PTPRD: variants seen among roughly 807,000 people sequenced by gnomAD.
PTPRD encodes protein tyrosine phosphatase receptor type D, also known as receptor-type tyrosine-protein phosphatase delta.
Under a neutral mutation model 214.5 loss-of-function variants are expected in PTPRD, and 34 were observed. The observed-to-expected ratio is 0.16, with a 90% confidence interval of 0.12 to 0.21. The LOEUF (loss-of-function observed/expected upper bound fraction) is 0.21, where lower values mean the gene tolerates loss of function less well. Ranked by LOEUF, PTPRD falls within the 10% of genes least tolerant of loss-of-function variation. The pLI, the probability that PTPRD is intolerant of heterozygous loss-of-function variation, is 1.00. For missense variants in PTPRD, 2,545 were observed against 2,398.7 expected (o/e 1.06, Z -1.27); for synonymous variants, 1,128 against 845.7 (o/e 1.33, Z -5.79).
chr9:9,542,049 G>A (rs1365094378), intron 8 of PTPRD, among the ~76,000 whole-genome samples: 1 of 151,552 alleles, frequency 6.6e-6, no homozygotes, highest in Admixed American at 6.6e-5. Context: ...AAACTAAAGT[G>A]AAAAATTGGT....
Position 9,026,037 on chromosome 9 carries a change from G to A in PTPRD, c.-142-7302C>T, listed in dbSNP as rs573591043. Among the ~76,000 whole-genome samples the A allele has an allele frequency of 1.6e-3, 243 of 152,024 alleles. 2 individuals are homozygous for A. The highest frequency in any genetic ancestry group is 5.6e-3 in the African/African-American group (231 of 41,492). ...ACAGTTGGATGGATGGATAATTTCA[G>A]TGAGAACTAAGTGCCATGAAAAAAA... On this transcript the variant is annotated intron_variant, in intron 10 of 45. Transcript: ENST00000381196.
intron 9 of PTPRD, among the ~76,000 whole-genome samples, chr9:9,222,071 G>A (rs566598468): frequency 6.6e-6 from 1 of 152,052 alleles, no homozygotes. Flanking sequence ...TCCACAACTA[G>A]AACTGCCAAA....
At position 9,903,983 on chromosome 9, in the gene PTPRD, C is replaced by A. The variant is rs1044317929; in HGVS notation, c.-368+34524G>T. 4.6e-5 allele frequency among the ~76,000 whole-genome samples: 7 copies of A among 152,100 alleles called. 1 individual carries two copies. The highest frequency in any genetic ancestry group is 1.7e-4 in the African/African-American group (7 of 41,426). On this transcript the variant is annotated intron_variant, in intron 5 of 45. Transcript: ENST00000381196. The stretch of plus-strand genomic sequence containing the variant: ...CATTAACCTCTATCTTGGGTCAAAG[C>A]CCCTGCTTCACTTTTGGGATCATCA...
At chr9:8,514,028 A>G (rs2138092538) in intron 21 of PTPRD, among the ~76,000 whole-genome samples, 1 of 152,268 alleles carries the variant, frequency 6.6e-6, no homozygotes, top group East Asian at 1.9e-4. Context: ...CCATTCATCT[A>G]GATTTTCTGA....
intron 11 of PTPRD, among the ~76,000 whole-genome samples, chr9:8,945,633 A>G (rs2099059498): frequency 6.6e-6 from 1 of 152,102 alleles, no homozygotes; most frequent in Non-Finnish European, 1.5e-5. Context: ...ACACCCTGGT[A>G]TTCAAGGCCT....
At chr9:9,013,444 A>C (rs988589386) in intron 11 of PTPRD, among the ~76,000 whole-genome samples, 10 of 152,154 alleles carry the variant, frequency 6.6e-5, no homozygotes, top group Non-Finnish European at 1.5e-4. Context: ...AAGGAACCTT[A>C]CTTCTATGTT....
chr9:10,268,090 C>T (rs2094186874), intron 3 of PTPRD, among the ~76,000 whole-genome samples: 1 of 149,120 alleles, frequency 6.7e-6, no homozygotes, highest in Non-Finnish European at 1.5e-5. Flanking sequence ...CCAACCTAAG[C>T]AACATAGCAA....
chr9:10,287,644 G>T (rs2095403545), intron 3 of PTPRD, among the ~76,000 whole-genome samples: 1 of 152,066 alleles, frequency 6.6e-6, no homozygotes, highest in Non-Finnish European at 1.5e-5. Flanking sequence ...TCCAGGTGGA[G>T]TCTGTTCTCT....
At chr9:10,461,518 C>T (rs889117098) in intron 2 of PTPRD, among the ~76,000 whole-genome samples, 1 of 151,930 alleles carries the variant, frequency 6.6e-6, no homozygotes, top group African/African-American at 2.4e-5. Context: ...AAAGGAGATC[C>T]TGTCACTTGT....
chr9:8,351,060 A>ACT (rs2075305957), intron 39 of PTPRD, among the ~76,000 whole-genome samples: 1 of 152,190 alleles, frequency 6.6e-6, no homozygotes, highest in African/African-American at 2.4e-5. Context: ...TAACTTAGTA[A>ACT]AACAATCATG....
intron 5 of PTPRD, among the ~76,000 whole-genome samples, chr9:9,820,825 C>G (rs969097627): frequency 6.6e-6 from 1 of 152,032 alleles, no homozygotes; most frequent in African/African-American, 2.4e-5. Flanking sequence ...GTTCTCTATT[C>G]TGTTCCATTG....
chr9:9,079,250 T>C (rs2099755596), intron 10 of PTPRD, among the ~76,000 whole-genome samples: 1 of 152,100 alleles, frequency 6.6e-6, no homozygotes, highest in Admixed American at 6.6e-5. Context: ...TTCTACTGTT[T>C]ACTTACATTA....
chr9:9,879,636 C>A (rs2068000020), intron 5 of PTPRD, among the ~76,000 whole-genome samples: 1 of 152,136 alleles, frequency 6.6e-6, no homozygotes, highest in South Asian at 2.1e-4. Context: ...CAGGAATATA[C>A]TGACTAAAAT....
intron 4 of PTPRD, among the ~76,000 whole-genome samples, chr9:10,009,123 A>G (rs1479344776): frequency 2.6e-5 from 4 of 152,024 alleles, no homozygotes; most frequent in African/African-American, 4.8e-5. Context: ...AATTAATGCA[A>G]TTCTGTTGAC....
At chr9:8,756,074 G>C (rs1307812351) in intron 11 of PTPRD, among the ~76,000 whole-genome samples, 2 of 152,172 alleles carry the variant, frequency 1.3e-5, no homozygotes, top group African/African-American at 2.4e-5. Context: ...CTTGAAGAAA[G>C]AATCCAAATG....
chr9:9,461,756 C>T (rs894076814), intron 8 of PTPRD, among the ~76,000 whole-genome samples: 2 of 152,070 alleles, frequency 1.3e-5, no homozygotes, highest in Non-Finnish European at 2.9e-5. Flanking sequence ...CAGCAATAAT[C>T]CAGACCTAGA....
At chr9:9,195,574 G>A (rs1047294716) in intron 9 of PTPRD, among the ~76,000 whole-genome samples, 1 of 152,120 alleles carries the variant, frequency 6.6e-6, no homozygotes, top group Non-Finnish European at 1.5e-5. Context: ...TTTTGTTAAA[G>A]TATTGGTTTT....
At chr9:9,014,722 T>A (rs2154364910) in intron 11 of PTPRD, among the ~76,000 whole-genome samples, 1 of 152,282 alleles carries the variant, frequency 6.6e-6, no homozygotes, top group Non-Finnish European at 1.5e-5. Context: ...TGATGAAATG[T>A]ATTTCTAAAC....
chr9:10,105,365 T>C (rs1192207782), intron 3 of PTPRD, among the ~76,000 whole-genome samples: 2 of 151,916 alleles, frequency 1.3e-5, no homozygotes, highest in African/African-American at 4.8e-5. Flanking sequence ...TGCTGCAACA[T>C]AATTTTTAAT....
Sources: allele counts gnomAD v4.1 joint callset (sites outside exome capture counted in the v4.1 genomes callset), GRCh38; gene constraint gnomAD v4.1.1; transcripts MANE v1.5; gene names NCBI Gene and HGNC (gene_info 2026-07-23, HGNC 2026-07-21).